ATP8B3: variants seen among roughly 807,000 people sequenced by gnomAD.
ATP8B3 encodes the protein ATPase phospholipid transporting 8B3, also known as phospholipid-transporting ATPase IK.
A neutral mutation model predicts 140.9 loss-of-function variants in ATP8B3; 141 were observed. The observed-to-expected ratio is 1.00, with a 90% CI of 0.87 to 1.15. ATP8B3 has a LOEUF of 1.15. Ranked by LOEUF, ATP8B3 falls within the 50% of genes most tolerant of loss-of-function variation. The pLI, the probability that ATP8B3 is intolerant of heterozygous loss-of-function variation, is 0.00. For missense variants in ATP8B3, 1,874 were observed against 1,740.6 expected, an observed-to-expected ratio of 1.08 and a Z score of -1.36; for synonymous variants, 765 against 714.6, an observed-to-expected ratio of 1.07 and a Z score of -1.13.
chr19:1,789,298 A>C (rs1173177491), intron 23 of ATP8B3, 63 bp downstream of exon 23: 18 of 823,712 alleles, frequency 2.2e-5, no homozygotes, highest in South Asian at 8.2e-5. Flanking sequence ...CAGTCCCACC[A>C]CCGCCTCCGT....
chr19:1,791,963 C>T, intron 19 of ATP8B3, 38 bp downstream of exon 19: 1 of 1,563,224 alleles, frequency 6.4e-7, no homozygotes. Context: ...CCCCCGCTGC[C>T]CACCCACCCT....
In ATP8B3 at chr19:1,806,641, G is replaced by A. The variant is rs756227526; in HGVS notation, c.664C>T (p.Leu222=). ...RAINNRPCQI[L]MGKSFKQKKW... is the part of the protein sequence containing the mutation. ...CCCCAGCCTCACCTCTTCCCCATCA[G>A]AATCTGGCAGGGTCTGTTGTTGATG... The change falls in exon 7 of 29, where the codon CTG becomes TTG. Residue 222 remains leucine, a synonymous_variant. Coordinates refer to ENST00000310127, the MANE Select transcript of ATP8B3 (RefSeq NM_138813.4). The surrounding 1 kb of genome is among the most constrained non-coding windows in gnomAD (Gnocchi z 5.6). 1.3e-6 allele frequency: 2 copies of A among 1,560,584 alleles called. No individual in the cohort carries two copies. Among genetic ancestry groups the A allele is most frequent in the Non-Finnish European group, 8.7e-7 (1 of 1,152,540 alleles).
chr19:1,800,274 A>G lies in ATP8B3; in HGVS notation c.1328T>C (p.Met443Thr), dbSNP rs543399907. ...FLILLSVTIP[M>T]SMFILSEFIY... ...GGAGACTCACAGGATGAACATGGACATCGGGATGGTGACGCTGAGCAGGAT... is the reference window on the plus strand; with the variant it reads ...GGAGACTCACAGGATGAACATGGACGTCGGGATGGTGACGCTGAGCAGGAT... The change falls in exon 13 of 29, where the codon ATG becomes ACG. Residue 443 changes from methionine (M) to threonine (T), a missense_variant. Met to Thr is a moderately conservative substitution (Grantham distance 81, BLOSUM62 -1). Transcript: ENST00000310127. The surrounding 1 kb of genome is among the most constrained non-coding windows in gnomAD (Gnocchi z 4.4). The G allele has an allele frequency of 1.9e-6, 3 of 1,611,748 alleles. No individual in the cohort carries two copies. Among genetic ancestry groups the G allele is most frequent in the Admixed American group, 1.7e-5 (1 of 59,538 alleles).
rs2068599329 is a variant in ATP8B3, at chr19:1,794,116, C to G, written c.2055+1759G>C. ...GATCACAGCTTGCTGTAGCCTCCACCTCCTGCACTCAAGCGATCCTCCTGC... is the reference window on the plus strand; with the variant it reads ...GATCACAGCTTGCTGTAGCCTCCACGTCCTGCACTCAAGCGATCCTCCTGC... On this transcript the variant is annotated intron_variant, in intron 18 of 28. Coordinates refer to ENST00000310127, the MANE Select transcript of ATP8B3 (RefSeq NM_138813.4). This position sits in a 1 kb window ranked among gnomAD's most constrained non-coding sequence, Gnocchi z 4.8. Among the ~76,000 whole-genome samples, 1 of 152,200 alleles carries G rather than the reference C, an allele frequency of 6.6e-6. No homozygotes were observed. The highest frequency in any genetic ancestry group is 6.5e-5 in the Admixed American group (1 of 15,276).
At chr19:1,786,561 G>T (rs909749727) in intron 25 of ATP8B3, among the ~76,000 whole-genome samples, 1 of 123,212 alleles carries the variant, frequency 8.1e-6, no homozygotes, top group Non-Finnish European at 1.6e-5. Flanking sequence ...GCGAGACCCT[G>T]TCTCAAAAAA....
At position 1,790,770 on chromosome 19, in the gene ATP8B3, C is replaced by G; in HGVS notation, c.2365G>C (p.Glu789Gln). Residue 789 changes from glutamate to glutamine, a missense_variant, in exon 21 of 29, where the codon GAG becomes CAG. Glu to Gln is a conservative substitution (Grantham distance 29). Around this residue, in one of 3 missense-constraint regions of ATP8B3, gnomAD observed 840 missense variants for 760.9 expected, o/e 1.10. Coordinates refer to ENST00000310127, the MANE Select transcript of ATP8B3 (RefSeq NM_138813.4). ...LLSENMLILE[E>Q]KEISRILETY... ...CCCACTTCTTACCTAATCTCCTTCT[C>G]CTCCAGAATGAGCATATTCTCTGAC... The G allele has an allele frequency of 6.2e-7, 1 of 1,603,116 alleles. No individual in the cohort carries two copies. The highest frequency in any genetic ancestry group is 1.1e-5 in the South Asian group (1 of 89,126).
chr19:1,799,963 G>T lies in ATP8B3; in HGVS notation c.1536C>A (p.Ile512=), dbSNP rs374256720. Residue 512 remains isoleucine, a synonymous_variant, in exon 14 of 29, where the codon ATC becomes ATA. Coordinates refer to ENST00000310127, the MANE Select transcript of ATP8B3 (RefSeq NM_138813.4). ...GGGCCGCACCATAGACGCGGCCGCTGATGCAGCACTTGTTGAAGGTCAAGA... is the reference window on the plus strand; with the variant it reads ...GGGCCGCACCATAGACGCGGCCGCTTATGCAGCACTTGTTGAAGGTCAAGA... ...QNILTFNKCC[I]SGRVYGPDSE... The T allele has an allele frequency of 1.2e-5, 19 of 1,601,176 alleles. No homozygotes were observed. The highest frequency in any genetic ancestry group is 1.4e-5 in the Non-Finnish European group (17 of 1,174,226).
At position 1,806,338 on chromosome 19, in the gene ATP8B3, C is replaced by A; in HGVS notation, c.678-169G>T. 1 of 1,466,702 alleles carries A rather than the reference C, an allele frequency of 6.8e-7. No homozygotes were observed. The highest frequency in any genetic ancestry group is 1.4e-5 in the South Asian group (1 of 71,914). 90.9% of individuals were successfully genotyped at this position (1,466,702 alleles called of 1,614,324 possible). ...GCTCCCACCCCACTCCCCGCGGGTC[C>A]ACGCTCCCACCCAGTGACCTCCAGG... On this transcript the variant is annotated intron_variant, in intron 7 of 28. Transcript: ENST00000310127. This position sits in a 1 kb window ranked among gnomAD's most constrained non-coding sequence, Gnocchi z 5.6.
At chr19:1,791,883 G>A in intron 19 of ATP8B3, 22 bp from the exon 20 acceptor site, 1 of 1,609,022 alleles carries the variant, frequency 6.2e-7, no homozygotes, top group Non-Finnish European at 8.5e-7. Flanking sequence ...GGAGGGCAGG[G>A]CGGGGAAGAT....
intron 3 of ATP8B3, 136 bp from the exon 4 acceptor site, chr19:1,809,870 G>C (rs2069138410): frequency 1.3e-6 from 1 of 765,614 alleles, no homozygotes; most frequent in African/African-American, 1.7e-5. Flanking sequence ...CCCGTAAACA[G>C]ACAGTCGGGC....
At chr19:1,808,572 C>T (rs1014642289) in intron 4 of ATP8B3, among the ~76,000 whole-genome samples, 2 of 152,182 alleles carry the variant, frequency 1.3e-5, no homozygotes, top group Non-Finnish European at 2.9e-5. Flanking sequence ...CCAGCATTTA[C>T]TGAGCACCTG....
rs1244741683 is a variant in ATP8B3 at position 1,809,664 on chromosome 19, G to A, written c.381C>T (p.Cys127=). The A allele has an allele frequency of 1.2e-6, 2 of 1,610,308 alleles. No individual in the cohort carries two copies. Among genetic ancestry groups the A allele is most frequent in the South Asian group, 2.2e-5 (2 of 90,236 alleles). The change falls in exon 4 of 29, where the codon TGC becomes TGT. Residue 127 remains cysteine (C), a synonymous_variant. Coordinates refer to ENST00000310127, the MANE Select transcript of ATP8B3 (RefSeq NM_138813.4). ...CCACCTTGTATTTCTTCCTTTGCCA[G>A]CACAGGATCACCTTCTCCTTGAACT... The part of the protein sequence containing the change: ...NGQFKEKVIL[C]WQRKKYKTNV...
rs1484234429 is a variant in ATP8B3, at chr19:1,805,267, G to T, written c.904+107C>A. The T allele has an allele frequency of 8.8e-7, 1 of 1,130,288 alleles. No individual in the cohort carries two copies. Among genetic ancestry groups the T allele is most frequent in the Admixed American group, 2.0e-5 (1 of 50,186 alleles). The allele number at this position is 1,130,288 out of a possible 1,614,324, so 70.0% of individuals were successfully genotyped here. ...TGGGATTCCAGGTGTGAGCCACTGG[G>T]CCTGGCCAGCACCTTGTTTTAAAAA... On this transcript the variant is annotated intron_variant, in intron 10 of 28. Coordinates refer to ENST00000310127, the MANE Select transcript of ATP8B3 (RefSeq NM_138813.4). The surrounding 1 kb of genome is among the most constrained non-coding windows in gnomAD (Gnocchi z 5.2).
rs1195429086 is a variant in ATP8B3, at chr19:1,787,177, C to T, written c.3079G>A (p.Glu1027Lys). The part of the protein sequence containing the change: ...YNGFTGQPLY[E>K]GWFLALFNLL... ...TTGAAAAGAGCCAGGAACCATCCTT[C>T]ATACAGGGGCTGAGCCGGGGGAGAA... The change falls in exon 25 of 29, where the codon GAA becomes AAA. Residue 1027 changes from glutamate (E) to lysine (K), a missense_variant. Transcript: ENST00000310127. The T allele has an allele frequency of 1.9e-6, 3 of 1,609,432 alleles. No homozygotes were observed. Among genetic ancestry groups the T allele is most frequent in the Admixed American group, 3.4e-5 (2 of 59,462 alleles).
rs776957260 is a variant in ATP8B3 at position 1,806,058 on chromosome 19, G to A, written c.750+39C>T. 1.6e-5 allele frequency: 25 copies of A among 1,602,646 alleles called. No homozygotes were observed. The highest frequency in any genetic ancestry group is 2.3e-5 in the East Asian group (1 of 44,268). ...TGGGAGGGGTGCTCTCGGTGAGGGGGCGCGTGGTTCTGGGACCTCGGGGTC... is the reference window on the plus strand; with the variant it reads ...TGGGAGGGGTGCTCTCGGTGAGGGGACGCGTGGTTCTGGGACCTCGGGGTC... On this transcript the variant is annotated intron_variant, in intron 8 of 28. Transcript: ENST00000310127. This position sits in a 1 kb window ranked among gnomAD's most constrained non-coding sequence, Gnocchi z 5.6.
intron 21 of ATP8B3, 126 bp from the exon 22 acceptor site, chr19:1,790,115 A>T: frequency 2.0e-6 from 1 of 488,108 alleles, no homozygotes; most frequent in African/African-American, 5.0e-5. Flanking sequence ...TCTCCTCCCC[A>T]CTTCCCTCTT....
rs762605815 is a variant in ATP8B3 at position 1,785,598 on chromosome 19, G to A, written c.3264C>T (p.Thr1088=). The A allele has an allele frequency of 5.6e-6, 9 of 1,613,260 alleles. No individual in the cohort carries two copies. Among genetic ancestry groups the A allele is most frequent in the Middle Eastern group, 1.6e-4 (1 of 6,062 alleles). ...VFVQAIAHGV[T]TSLVNFFMTL... ...TCATGAAGAAGTTGACCAGAGAGGT[G>A]GTCACACCATGGGCGATGGCTTGGA... Residue 1088 remains threonine, a synonymous_variant, in exon 26 of 29, where the codon ACC becomes ACT. Transcript: ENST00000310127.
rs908055505 is a variant in ATP8B3, at chr19:1,805,347, C to T, written c.904+27G>A. 18 of 1,530,756 alleles carry T rather than the reference C, an allele frequency of 1.2e-5. No individual in the cohort carries two copies. Among genetic ancestry groups the T allele is most frequent in the African/African-American group, 4.1e-5 (3 of 72,768 alleles). 94.8% of individuals were successfully genotyped at this position (1,530,756 alleles called of 1,614,324 possible). A position where few individuals can be genotyped will look rare whatever the true frequency, so the allele number is the denominator to read the frequency against. ...TTTTAACTTTTACAGATTCGAGGGA[C>T]GTGACTCCCTGCTCAACGCCTCTCA... On this transcript the variant is annotated intron_variant, in intron 10 of 28. Transcript: ENST00000310127. The surrounding 1 kb of genome is among the most constrained non-coding windows in gnomAD (Gnocchi z 5.2).
chr19:1,796,391 T>C, intron 16 of ATP8B3, 126 bp from the exon 17 acceptor site: 10 of 932,352 alleles, frequency 1.1e-5, no homozygotes, highest in Non-Finnish European at 1.6e-5. Flanking sequence ...CCCCCGCCTG[T>C]ACAACCCAAT....
Sources: gnomAD v4.1 joint callset for allele counts (sites outside exome capture counted in the v4.1 genomes callset) on GRCh38, gnomAD v4.1.1 for gene constraint, gnomAD v4.1.1 regional missense constraint, Gnocchi (gnomAD v3.1) non-coding constraint, MANE v1.5 for transcripts, NCBI Gene and HGNC (gene_info 2026-07-23, HGNC 2026-07-21) for gene names.